ATF1: variants seen among roughly 807,000 people sequenced by gnomAD.
ATF1 encodes activating transcription factor 1, also known as cyclic AMP-dependent transcription factor ATF-1.
A neutral mutation model predicts 34.7 loss-of-function variants in ATF1; 16 were observed. The observed-to-expected ratio is 0.46, with a 90% CI of 0.31 to 0.70. The LOEUF is 0.70. Ranked by LOEUF, ATF1 falls within the 30% of genes least tolerant of loss-of-function variation. ATF1 has a pLI of 0.05. For synonymous variants in ATF1, 105 were observed against 113.1 expected (o/e 0.93, Z 0.46); for missense variants, 255 against 321.6 (o/e 0.79, Z 1.58).
chr12:50,819,951 C>A lies in ATF1; in HGVS notation c.*172C>A. On this transcript the variant is annotated 3_prime_UTR_variant, in exon 7 of 7. Transcript: ENST00000262053. ...TGACAGAGGAGAAAGTGGAAAATGA[C>A]CTCAAGGAAGCTACGGGCACAACTG... 1 of 535,222 alleles carries A rather than the reference C, an allele frequency of 1.9e-6. No homozygotes were observed. The highest frequency in any genetic ancestry group is 3.1e-6 in the Non-Finnish European group (1 of 319,962). The allele number at this position is 535,222 out of a possible 1,614,324, so 33.2% of individuals were successfully genotyped here.
intron 4 of ATF1, among the ~76,000 whole-genome samples, chr12:50,810,697 T>G (rs563346346): frequency 6.6e-6 from 1 of 152,234 alleles, no homozygotes; most frequent in East Asian, 1.9e-4. Flanking sequence ...TATCTCCCCC[T>G]CCACTCCTAA....
Position 50,815,132 on chromosome 12 carries a change from A to AT in ATF1, c.671+700dup, listed in dbSNP as rs1187525749. Among the ~76,000 whole-genome samples, 16 of 152,014 alleles carry AT rather than the reference A, an allele frequency of 1.1e-4. No homozygotes were observed. The East Asian group carries it at 2.5e-3, about 24-fold the overall frequency. On this transcript the variant is annotated intron_variant, in intron 6 of 6. Coordinates refer to ENST00000262053, the MANE Select transcript of ATF1 (RefSeq NM_005171.5). ...GTGAGACTCTGTCTCAAAAAAAAAAATTTTTTTAACTGTAAAACAGCCTCA... is the reference window on the plus strand; with the variant it reads ...GTGAGACTCTGTCTCAAAAAAAAAAATTTTTTTTAACTGTAAAACAGCCTCA...
chr12:50,797,281 A>C (rs886213102), intron 3 of ATF1, among the ~76,000 whole-genome samples: 5 of 152,312 alleles, frequency 3.3e-5, no homozygotes, highest in African/African-American at 1.2e-4. Flanking sequence ...AAACAAGATA[A>C]ATTAATAGAA....
intron 2 of ATF1, among the ~76,000 whole-genome samples, chr12:50,790,872 G>A (rs1429371225): frequency 6.6e-6 from 1 of 152,022 alleles, no homozygotes; most frequent in East Asian, 1.9e-4. Flanking sequence ...CTAGGTTTTA[G>A]AATGTCTACA....
At chr12:50,767,547 C>T (rs981615568) in intron 1 of ATF1, among the ~76,000 whole-genome samples, 7 of 152,104 alleles carry the variant, frequency 4.6e-5, no homozygotes, top group African/African-American at 1.7e-4. Flanking sequence ...AAAAGAACAC[C>T]TGTAAGCTCG....
At chr12:50,791,536 G>A (rs997453371) in intron 2 of ATF1, among the ~76,000 whole-genome samples, 1 of 151,418 alleles carries the variant, frequency 6.6e-6, no homozygotes, top group Non-Finnish European at 1.5e-5. Flanking sequence ...GCCTGGGAAG[G>A]AGTGAAACTC....
chr12:50,778,116 A>G (rs1183012839), intron 1 of ATF1, among the ~76,000 whole-genome samples: 6 of 150,162 alleles, frequency 4.0e-5, no homozygotes, highest in Admixed American at 2.0e-4. Flanking sequence ...GGCTCTCACT[A>G]TGTTGCCAGG....
chr12:50,764,390 C>CGGGTCGCGCGCCTGGTGG lies in ATF1; in HGVS notation c.-7+95_-7+112dup, dbSNP rs1245818712. The CGGGTCGCGCGCCTGGTGG allele has an allele frequency of 3.8e-5, 5 of 132,428 alleles. No individual in the cohort carries two copies. The South Asian group carries it at 8.0e-4, about 21-fold the overall frequency. The allele number at this position is 132,428 out of a possible 1,614,324, so 8.2% of individuals were successfully genotyped here. On this transcript the variant is annotated intron_variant, in intron 1 of 6. Transcript: ENST00000262053. ...ACGTGGCGCCGGCGGGGACGCAGCG[C>CGGGTCGCGCGCCTGGTGG]GGGTCGCGCGCCTGGTGGGGGTCGC...
At chr12:50,789,266 G>A (rs1941252093) in intron 2 of ATF1, among the ~76,000 whole-genome samples, 1 of 151,940 alleles carries the variant, frequency 6.6e-6, no homozygotes, top group Non-Finnish European at 1.5e-5. Flanking sequence ...CGGGGGTTTC[G>A]CCATGTTGGC....
At chr12:50,818,459 AC>A (rs2139702226) in intron 6 of ATF1, among the ~76,000 whole-genome samples, 1 of 152,282 alleles carries the variant, frequency 6.6e-6, no homozygotes, top group African/African-American at 2.4e-5. Flanking sequence ...ACCACTTAAA[AC>A]AAACAAACAA....
In ATF1 at chr12:50,780,195, G is replaced by A; in HGVS notation, c.50G>A (p.Gly17Asp). 6.2e-7 allele frequency: 1 copy of A among 1,613,890 alleles called. No homozygotes were observed. Among genetic ancestry groups the A allele is most frequent in the Non-Finnish European group, 8.5e-7 (1 of 1,179,878 alleles). Reference sequence around the variant, plus strand: ...ACGTCAGAGACAGCACCTCAACCTGGTTCAGCAGTTCAGGGAGCTCACATT... The same window carrying A: ...ACGTCAGAGACAGCACCTCAACCTGATTCAGCAGTTCAGGGAGCTCACATT... ...STTSETAPQP[G>D]SAVQGAHISH... Residue 17 changes from glycine (G) to aspartate (D), a missense_variant, in exon 2 of 7, where the codon GGT (glycine) becomes GAT (aspartate). This residue lies in a region of ATF1 where 221 missense variants were observed against 250.7 expected (regional missense o/e 0.88). Coordinates refer to ENST00000262053, the MANE Select transcript of ATF1 (RefSeq NM_005171.5).
At chr12:50,805,507 G>A (rs1244205347) in intron 3 of ATF1, among the ~76,000 whole-genome samples, 4 of 146,920 alleles carry the variant, frequency 2.7e-5, no homozygotes, top group African/African-American at 5.1e-5. Context: ...GCAGTGAGCC[G>A]TGATTGTGCC....
At chr12:50,816,816 G>A (rs542439538) in intron 6 of ATF1, among the ~76,000 whole-genome samples, 24 of 151,322 alleles carry the variant, frequency 1.6e-4, no homozygotes, top group African/African-American at 5.1e-4. Flanking sequence ...CCATGATCAC[G>A]CCATTGTACT....
intron 4 of ATF1, among the ~76,000 whole-genome samples, chr12:50,812,867 AT>A (rs1436468945): frequency 6.6e-6 from 1 of 152,170 alleles, no homozygotes; most frequent in African/African-American, 2.4e-5. Context: ...ATTTAAAAAA[AT>A]ATTTTGAAAC....
chr12:50,764,143 T>TTGGC lies in ATF1; in HGVS notation c.-168_-165dup, dbSNP rs1940563100. ...CCGAGGAAACGGTAGCTTAGGACAG[T>TTGGC]TGGCTGTTAAGTGACACTGATTCTC... On this transcript the variant is annotated 5_prime_UTR_variant, in exon 1 of 7. Transcript: ENST00000262053. 1 of 143,612 alleles carries TTGGC rather than the reference T, an allele frequency of 7.0e-6. No homozygotes were observed. Among genetic ancestry groups the TTGGC allele is most frequent in the Admixed American group, 6.9e-5 (1 of 14,522 alleles). The allele number at this position is 143,612 out of a possible 1,614,324, so 8.9% of individuals were successfully genotyped here.
chr12:50,773,129 A>G (rs1236901093), intron 1 of ATF1, among the ~76,000 whole-genome samples: 1 of 152,194 alleles, frequency 6.6e-6, no homozygotes, highest in Non-Finnish European at 1.5e-5. Context: ...ATAGTATTCC[A>G]TGATATATAT....
intron 1 of ATF1, among the ~76,000 whole-genome samples, chr12:50,765,204 C>T (rs907036412): frequency 2.0e-5 from 3 of 152,154 alleles, no homozygotes; most frequent in African/African-American, 7.2e-5. Flanking sequence ...CTGGCCTCAC[C>T]TGTGATGAGT....
At position 50,809,518 on chromosome 12, in the gene ATF1, C is replaced by G. The variant is rs768740967; in HGVS notation, c.257C>G (p.Ser86Cys). 2 of 1,613,466 alleles carry G rather than the reference C, an allele frequency of 1.2e-6. No homozygotes were observed. The highest frequency in any genetic ancestry group is 1.7e-6 in the Non-Finnish European group (2 of 1,179,708). The change falls in exon 4 of 7, where the codon TCT (serine) becomes TGT (cysteine). Residue 86 changes from serine (S) to cysteine (C), a missense_variant. Physicochemically the swap from Ser to Cys is moderately radical, Grantham distance 112. This residue lies in a region of ATF1 where 221 missense variants were observed against 250.7 expected (regional missense o/e 0.88). Transcript: ENST00000262053. Reference sequence around the variant, plus strand: ...GGCAGAAAAGGAGACGGAGAAAATTCTGGAGTTTCTGCTGCTGTCACTTCT... The same window carrying G: ...GGCAGAAAAGGAGACGGAGAAAATTGTGGAGTTTCTGCTGCTGTCACTTCT... ...TRGRKGDGEN[S>C]GVSAAVTSMS...
At chr12:50,804,542 G>A (rs1032102105) in intron 3 of ATF1, among the ~76,000 whole-genome samples, 1 of 152,080 alleles carries the variant, frequency 6.6e-6, no homozygotes, top group Non-Finnish European at 1.5e-5. Flanking sequence ...AGTTAGCCAG[G>A]CGTGGTGATG....
Sources: allele counts gnomAD v4.1 joint callset (sites outside exome capture counted in the v4.1 genomes callset), GRCh38; gene constraint gnomAD v4.1.1; regional missense constraint gnomAD v4.1.1; transcripts MANE v1.5; gene names NCBI Gene and HGNC (gene_info 2026-07-23, HGNC 2026-07-21).